Variants in GNAQ observed in about 807,000 individuals in gnomAD.
GNAQ encodes the protein G protein subunit alpha q.
A neutral mutation model predicts 43.9 loss-of-function variants in GNAQ; 8 were observed. The observed-to-expected ratio is 0.18, with a 90% CI of 0.11 to 0.33. The LOEUF (loss-of-function observed/expected upper bound fraction) is 0.33, where lower values mean the gene tolerates loss of function less well. GNAQ is among the 10% of genes least tolerant of loss of function. The pLI is 1.00. For missense variants in GNAQ, 158 were observed against 450.8 expected, an observed-to-expected ratio of 0.35 and a Z score of 5.88; for synonymous variants, 155 against 170.7, an observed-to-expected ratio of 0.91 and a Z score of 0.71.
At chr9:77,739,156 AAGCGGGAG>A (rs1253853017) in intron 5 of GNAQ, among the ~76,000 whole-genome samples, 2 of 152,152 alleles carry the variant, frequency 1.3e-5, no homozygotes, top group Non-Finnish European at 2.9e-5. Flanking sequence ...GTTTCCTCTT[AAGCGGGAG>A]AGCTACCCTT....
intron 5 of GNAQ, among the ~76,000 whole-genome samples, chr9:77,758,397 A>G (rs1825936932): frequency 6.6e-6 from 1 of 152,246 alleles, no homozygotes; most frequent in Non-Finnish European, 1.5e-5. Flanking sequence ...ACACTGACAC[A>G]GTATTAATAA....
intron 2 of GNAQ, among the ~76,000 whole-genome samples, chr9:77,876,233 G>A (rs1473282614): frequency 1.3e-5 from 2 of 152,170 alleles, no homozygotes; most frequent in Non-Finnish European, 2.9e-5. Flanking sequence ...AGATTTCCCG[G>A]AGGAGCTGTC....
At chr9:77,983,588 A>G (rs1823395453) in intron 1 of GNAQ, among the ~76,000 whole-genome samples, 1 of 152,228 alleles carries the variant, frequency 6.6e-6, no homozygotes, top group African/African-American at 2.4e-5. Context: ...TGTATTCCTT[A>G]TTCCTCATAG....
intron 5 of GNAQ, among the ~76,000 whole-genome samples, chr9:77,769,769 A>T (rs1826192397): frequency 6.8e-6 from 1 of 146,382 alleles, no homozygotes; most frequent in Non-Finnish European, 1.5e-5. Context: ...GGTTCATGCC[A>T]TTCTCCTGCC....
At chr9:77,999,004 A>C (rs184188836) in intron 1 of GNAQ, among the ~76,000 whole-genome samples, 46 of 149,994 alleles carry the variant, frequency 3.1e-4, no homozygotes, top group African/African-American at 1.1e-3. Flanking sequence ...AGGCAGGAGA[A>C]TCACTTGAAC....
At chr9:77,967,340 C>CCA (rs1183984463) in intron 1 of GNAQ, among the ~76,000 whole-genome samples, 1 of 152,122 alleles carries the variant, frequency 6.6e-6, no homozygotes, top group African/African-American at 2.4e-5. Context: ...TATTAGGCTT[C>CCA]CACCACCTGC....
intron 1 of GNAQ, among the ~76,000 whole-genome samples, chr9:77,927,062 T>G (rs1399444036): frequency 2.6e-5 from 4 of 152,166 alleles, no homozygotes; most frequent in African/African-American, 9.6e-5. Flanking sequence ...TACATCACAT[T>G]AGACACACAC....
chr9:77,838,865 T>C (rs1827438484), intron 2 of GNAQ, among the ~76,000 whole-genome samples: 1 of 152,156 alleles, frequency 6.6e-6, no homozygotes. Flanking sequence ...GCTGAGATTT[T>C]TAGTGGCAAT....
intron 4 of GNAQ, among the ~76,000 whole-genome samples, chr9:77,795,477 G>A (rs994627894): frequency 1.3e-5 from 2 of 152,196 alleles, no homozygotes; most frequent in Admixed American, 1.3e-4. Flanking sequence ...GAGAATGAGC[G>A]GTTTAGGTAC....
intron 2 of GNAQ, among the ~76,000 whole-genome samples, chr9:77,877,683 T>A (rs1433133138): frequency 6.6e-6 from 1 of 152,200 alleles, no homozygotes; most frequent in East Asian, 1.9e-4. Context: ...AACTAATTCA[T>A]AAGAATTTGA....
chr9:78,023,466 A>G (rs1206627899), intron 1 of GNAQ, among the ~76,000 whole-genome samples: 2 of 152,140 alleles, frequency 1.3e-5, no homozygotes, highest in Admixed American at 6.5e-5. Context: ...TGGTATTCAC[A>G]TGAAAGGGAT....
intron 2 of GNAQ, among the ~76,000 whole-genome samples, chr9:77,894,073 C>T (rs1164544644): frequency 6.6e-6 from 1 of 151,838 alleles, no homozygotes; most frequent in Non-Finnish European, 1.5e-5. Flanking sequence ...GAAAATGTGT[C>T]CTAGAGAAAT....
intron 5 of GNAQ, among the ~76,000 whole-genome samples, chr9:77,792,141 C>T (rs537802382): frequency 1.3e-4 from 20 of 152,184 alleles, no homozygotes; most frequent in Admixed American, 2.6e-4. Flanking sequence ...AATTAATGAA[C>T]AGCACTTTTC....
chr9:77,974,134 A>G (rs893196025), intron 1 of GNAQ, among the ~76,000 whole-genome samples: 1 of 152,136 alleles, frequency 6.6e-6, no homozygotes, highest in Admixed American at 6.5e-5. Context: ...TGAAAGGTTA[A>G]GCCTGTTTTG....
At chr9:77,804,902 C>G (rs1329085998) in intron 3 of GNAQ, among the ~76,000 whole-genome samples, 1 of 151,904 alleles carries the variant, frequency 6.6e-6, no homozygotes, top group East Asian at 1.9e-4. Context: ...TTAAGAAGAC[C>G]TCATTGTGAG....
rs561579349 is a variant in GNAQ at position 77,744,499 on chromosome 9, G to A, written c.736-15832C>T. 9.9e-5 allele frequency among the ~76,000 whole-genome samples: 15 copies of A among 152,198 alleles called. No homozygotes were observed. The South Asian group carries it at 1.7e-3, about 17-fold the overall frequency. ...TGTGTCTCTAAAAGTAACACCAGCCGTAAAAGATTTAGACAGTCTGAAAGA... is the reference window on the plus strand; with the variant it reads ...TGTGTCTCTAAAAGTAACACCAGCCATAAAAGATTTAGACAGTCTGAAAGA... On this transcript the variant is annotated intron_variant, in intron 5 of 6. Coordinates refer to ENST00000286548, the MANE Select transcript of GNAQ (RefSeq NM_002072.5).
intron 1 of GNAQ, among the ~76,000 whole-genome samples, chr9:77,949,519 C>T (rs1419440454): frequency 3.9e-5 from 6 of 152,256 alleles, no homozygotes; most frequent in East Asian, 3.9e-4. Flanking sequence ...GCAGTAGTGC[C>T]GGCCACACAA....
In GNAQ at chr9:78,031,777, C is replaced by G. The variant is rs1254120105; in HGVS notation, c.-542G>C. On this transcript the variant is annotated 5_prime_UTR_variant, in exon 1 of 7. Transcript: ENST00000286548. The stretch of plus-strand genomic sequence containing the variant: ...CCCTGTCCGCGCCCACCGCCCGGCT[C>G]GCGCGCAGACCCGGTTCCCGTCCCG... Among the ~76,000 whole-genome samples, 2 of 148,436 alleles carry G rather than the reference C, an allele frequency of 1.3e-5. No individual in the cohort carries two copies. The highest frequency in any genetic ancestry group is 4.0e-4 in the East Asian group (2 of 4,956).
chr9:77,931,250 T>C lies in GNAQ; in HGVS notation c.137-8905A>G, dbSNP rs1829145278. 4.0e-5 allele frequency among the ~76,000 whole-genome samples: 6 copies of C among 151,108 alleles called. No individual in the cohort carries two copies. In the South Asian group the frequency reaches 1.3e-3, roughly 32 times the overall value. ...TTCTCTTCCTTACACAACCAGCAGG[T>C]CCGCATTTCCATCCCTAAGCATTAG... On this transcript the variant is annotated intron_variant, in intron 1 of 6. Transcript: ENST00000286548.
Sources: gnomAD v4.1 joint callset for allele counts (sites outside exome capture counted in the v4.1 genomes callset) on GRCh38, gnomAD v4.1.1 for gene constraint, MANE v1.5 for transcripts, NCBI Gene and HGNC (gene_info 2026-07-23, HGNC 2026-07-21) for gene names.